BTD: variants seen among roughly 807,000 people sequenced by gnomAD.
BTD encodes biocytinase.
Under a neutral mutation model 17.7 loss-of-function variants are expected in BTD, and 13 were observed. That is an observed-to-expected ratio of 0.74 (90% CI 0.48 to 1.17). BTD has a LOEUF of 1.17. Ranked by LOEUF, BTD falls within the 50% of genes most tolerant of loss-of-function variation. The pLI, the probability that BTD is intolerant of heterozygous loss-of-function variation, is 0.00. For synonymous variants in BTD, 240 were observed against 245.2 expected, an observed-to-expected ratio of 0.98 and a Z score of 0.20; for missense variants, 674 against 650.4, an observed-to-expected ratio of 1.04 and a Z score of -0.39.
At chr3:15,693,366 A>T (rs1281705505) in intron 3 of BTD, among the ~76,000 whole-genome samples, 1 of 152,114 alleles carries the variant, frequency 6.6e-6, no homozygotes, top group Non-Finnish European at 1.5e-5. Context: ...CCACTAATCA[A>T]TGTATAGCAC....
intron 3 of BTD, among the ~76,000 whole-genome samples, chr3:15,689,495 A>G (rs979004965): frequency 6.6e-6 from 1 of 152,226 alleles, no homozygotes; most frequent in Admixed American, 6.5e-5. Context: ...TTGTTTTCCA[A>G]GAGAGGCCAC....
intron 3 of BTD, chr3:15,696,245 C>T: frequency 5.2e-6 from 8 of 1,546,576 alleles, no homozygotes; most frequent in Non-Finnish European, 7.1e-6. Context: ...ATTCCAGGCA[C>T]CTATATACAA....
chr3:15,636,248 T>A (rs1449991082), intron 2 of BTD, among the ~76,000 whole-genome samples: 5 of 152,130 alleles, frequency 3.3e-5, no homozygotes, highest in Admixed American at 3.3e-4. Flanking sequence ...AAGAATGCCG[T>A]TTGCTCCCTT....
At chr3:15,606,295 A>AT (rs1332695993) in intron 1 of BTD, 3 of 152,164 alleles carry the variant, frequency 2.0e-5, no homozygotes, top group African/African-American at 7.2e-5. Flanking sequence ...AGGCACCTGT[A>AT]TTTTTTAAAA....
intron 1 of BTD, among the ~76,000 whole-genome samples, chr3:15,611,380 G>A (rs908812882): frequency 6.6e-6 from 1 of 150,732 alleles, no homozygotes; most frequent in South Asian, 2.1e-4. Context: ...GGGATCCTGG[G>A]TCCTACATGA....
chr3:15,637,622 T>TA (rs889659911), intron 2 of BTD, among the ~76,000 whole-genome samples: 11 of 152,040 alleles, frequency 7.2e-5, no homozygotes, highest in African/African-American at 2.2e-4. Flanking sequence ...GAAGTCAGTG[T>TA]AAAAAAACCC....
chr3:15,681,104 T>C (rs900268022), intron 3 of BTD, among the ~76,000 whole-genome samples: 6 of 152,238 alleles, frequency 3.9e-5, no homozygotes, highest in Non-Finnish European at 8.8e-5. Context: ...CAAAACTCCA[T>C]AGTCCCTTAT....
At chr3:15,685,330 A>T (rs773032840) in intron 3 of BTD, 1 of 1,613,902 alleles carries the variant, frequency 6.2e-7, no homozygotes, top group Admixed American at 1.7e-5. Context: ...AAGAACACCA[A>T]TGTGTCCACA....
intron 1 of BTD, among the ~76,000 whole-genome samples, chr3:15,613,878 A>G (rs919044118): frequency 1.3e-5 from 2 of 152,032 alleles, no homozygotes; most frequent in African/African-American, 4.8e-5. Context: ...ACTCTTGAAA[A>G]GTCTGCTGTT....
chr3:15,677,341 C>T, intron 3 of BTD: 1 of 651,522 alleles, frequency 1.5e-6, no homozygotes, highest in Non-Finnish European at 2.6e-6. Context: ...CCTTATAAGT[C>T]AATTTTGTTC....
intron 3 of BTD, among the ~76,000 whole-genome samples, chr3:15,681,156 T>C (rs1279241753): frequency 6.6e-6 from 1 of 152,222 alleles, no homozygotes; most frequent in Admixed American, 6.5e-5. Flanking sequence ...GTATAACCTA[T>C]GCACATCTTC....
intron 2 of BTD, among the ~76,000 whole-genome samples, chr3:15,639,151 T>A (rs924310733): frequency 1.3e-5 from 2 of 152,074 alleles, no homozygotes; most frequent in African/African-American, 4.8e-5. Flanking sequence ...TTATCAAGAA[T>A]GCAACTTACT....
At chr3:15,664,074 G>A (rs1011486454) in intron 3 of BTD, among the ~76,000 whole-genome samples, 2 of 152,100 alleles carry the variant, frequency 1.3e-5, no homozygotes, top group African/African-American at 4.8e-5. Context: ...GCTAATTTTT[G>A]TATTTTTAGT....
At chr3:15,706,983 G>A (rs1182319392) in intron 3 of BTD, among the ~76,000 whole-genome samples, 1 of 152,132 alleles carries the variant, frequency 6.6e-6, no homozygotes, top group African/African-American at 2.4e-5. Context: ...CATAAAAAAA[G>A]TTACTTATAA....
chr3:15,712,112 T>A, exon 4 of BTD: 8 of 1,544,560 alleles, frequency 5.2e-6, no homozygotes, highest in South Asian at 3.6e-5. Context: ...TGAGGAGACA[T>A]ACAAAAGGCT....
intron 1 of BTD, among the ~76,000 whole-genome samples, chr3:15,631,908 G>A: frequency 6.6e-6 from 1 of 152,188 alleles, no homozygotes; most frequent in East Asian, 1.9e-4. Context: ...AAGAGGATGA[G>A]GACAAATGCA....
chr3:15,685,315 G>A, intron 3 of BTD: 1 of 1,613,984 alleles, frequency 6.2e-7, no homozygotes, highest in South Asian at 1.1e-5. Context: ...CTGCAAAAGG[G>A]CTCCAAGAAC....
chr3:15,649,090 C>G lies in BTD; in HGVS notation c.*3602C>G, dbSNP rs1232251477. 6.6e-6 allele frequency among the ~76,000 whole-genome samples: 1 copy of G among 152,212 alleles called. No homozygotes were observed. The highest frequency in any genetic ancestry group is 2.4e-5 in the African/African-American group (1 of 41,446). On this transcript the variant is annotated 3_prime_UTR_variant, in exon 4 of 4. Transcript: ENST00000643237. ...TTCTGTTGTTTGAAGCCACCCAGTT[C>G]AGGGTACTTTGATATGGCAGACCTA...
intron 1 of BTD, among the ~76,000 whole-genome samples, chr3:15,623,763 G>A (rs1037583101): frequency 3.3e-5 from 5 of 152,280 alleles, no homozygotes; most frequent in East Asian, 3.9e-4. Flanking sequence ...GTTTAAAAGC[G>A]TGTAGCACTT....
Sources: allele counts gnomAD v4.1 joint callset (sites outside exome capture counted in the v4.1 genomes callset), GRCh38; gene constraint gnomAD v4.1.1; transcripts MANE v1.5; gene names NCBI Gene and HGNC (gene_info 2026-07-23, HGNC 2026-07-21).